Variants in DVL2 observed in about 807,000 individuals in gnomAD.
DVL2 encodes the protein segment polarity protein dishevelled homolog DVL-2.
In DVL2, 38 loss-of-function variants were observed where a neutral mutation model predicts 69.8. The observed-to-expected ratio is 0.54, with a 90% CI of 0.42 to 0.71. The LOEUF is 0.71. DVL2 is among the 30% of genes least tolerant of loss of function. The probability of loss-of-function intolerance (pLI) is 0.00; values close to 1 mark genes in which losing one functional copy is unlikely to be tolerated. For missense variants in DVL2, 931 were observed against 1,008.1 expected, an observed-to-expected ratio of 0.92 and a Z score of 1.04; for synonymous variants, 428 against 392.4, an observed-to-expected ratio of 1.09 and a Z score of -1.07.
At chr17:7,228,127 A>T (rs2071486197) in intron 9 of DVL2, 83 bp from the exon 10 acceptor site, 1 of 1,135,676 alleles carries the variant, frequency 8.8e-7, no homozygotes, top group Admixed American at 2.4e-5. Context: ...GGATGGATTA[A>T]GAGACACAAA....
At position 7,230,399 on chromosome 17, in the gene DVL2, A is replaced by G. The variant is rs769237336; in HGVS notation, c.296T>C (p.Met99Thr). 12 of 1,614,036 alleles carry G rather than the reference A, an allele frequency of 7.4e-6. No homozygotes were observed. Among genetic ancestry groups the G allele is most frequent in the Non-Finnish European group, 1.0e-5 (12 of 1,180,030 alleles). The change falls in exon 3 of 15, where the codon ATG becomes ACG. Residue 99 changes from methionine to threonine, a missense_variant. Coordinates refer to ENST00000005340, the MANE Select transcript of DVL2 (RefSeq NM_004422.3). The stretch of plus-strand genomic sequence containing the variant: ...CCGAGGCTCATGGACTGGAGGGGCC[A>G]TCTCGGGTTGGGGATTATCTGAGGA... ...LVSSDNPQPE[M>T]APPVHEPRAE...
intron 1 of DVL2, among the ~76,000 whole-genome samples, chr17:7,233,539 G>A (rs1039043993): frequency 6.6e-6 from 1 of 152,138 alleles, no homozygotes; most frequent in African/African-American, 2.4e-5. Flanking sequence ...CGCCTCCCAG[G>A]TTCAAGAGAT....
rs755274368 is a variant in DVL2 at position 7,229,713 on chromosome 17, C to G, written c.657-35G>C. ...GGTTGGGAAGGAGAGCAAACGTAGGCCAAAGTGGTCATGGGGCCAAGAGAA... is the reference window on the plus strand; with the variant it reads ...GGTTGGGAAGGAGAGCAAACGTAGGGCAAAGTGGTCATGGGGCCAAGAGAA... On this transcript the variant is annotated intron_variant, in intron 5 of 14. Transcript: ENST00000005340. The surrounding 1 kb of genome is among the most constrained non-coding windows in gnomAD (Gnocchi z 4.4). 41 of 1,568,292 alleles carry G rather than the reference C, an allele frequency of 2.6e-5. No individual in the cohort carries two copies. The South Asian group carries it at 4.7e-4, about 18-fold the overall frequency.
chr17:7,227,501 G>A lies in DVL2; in HGVS notation c.1266C>T (p.Asp422=). ...CEGRGLSVHT[D]MASVTKAMAA... ...CCATGGCCTTGGTCACCGATGCCAT[G>A]TCCGTATGGACGGAGAGACCCCGGC... Residue 422 remains aspartate (D), a synonymous_variant, in exon 12 of 15, where the codon GAC becomes GAT. Transcript: ENST00000005340. The A allele has an allele frequency of 6.2e-7, 1 of 1,614,200 alleles. No homozygotes were observed. Among genetic ancestry groups the A allele is most frequent in the Non-Finnish European group, 8.5e-7 (1 of 1,180,040 alleles).
chr17:7,234,413 G>A lies in DVL2; in HGVS notation c.-151C>T. ...CAAAGGGGAAAAAGCACGGATCTGC[G>A]AGGGTGGCGGCGGGGGGCGGGCCGC... On this transcript the variant is annotated 5_prime_UTR_variant, in exon 1 of 15. Transcript: ENST00000005340. 1 of 911,586 alleles carries A rather than the reference G, an allele frequency of 1.1e-6. No individual in the cohort carries two copies. The highest frequency in any genetic ancestry group is 1.6e-6 in the Non-Finnish European group (1 of 636,856). 56.5% of individuals were successfully genotyped at this position (911,586 alleles called of 1,614,324 possible). A position where few individuals can be genotyped will look rare whatever the true frequency, so the allele number is the denominator to read the frequency against.
rs371341535 is a variant in DVL2 at position 7,229,168 on chromosome 17, G to A, written c.924C>T (p.Asp308=). 70 of 1,614,030 alleles carry A rather than the reference G, an allele frequency of 4.3e-5. No homozygotes were observed. The highest frequency in any genetic ancestry group is 2.8e-4 in the Admixed American group (17 of 60,006). ...GCATGTCCCCTGGCTCAATGCGCCCGTCGGCCGCCACAGCCCCACCCTTCA... is the reference window on the plus strand; with the variant it reads ...GCATGTCCCCTGGCTCAATGCGCCCATCGGCCGCCACAGCCCCACCCTTCA... ...SIMKGGAVAA[D]GRIEPGDMLL... is the part of the protein sequence containing the mutation. Residue 308 remains aspartate (D), a synonymous_variant, in exon 8 of 15, where the codon GAC becomes GAT. Coordinates refer to ENST00000005340, the MANE Select transcript of DVL2 (RefSeq NM_004422.3). The surrounding 1 kb of genome is among the most constrained non-coding windows in gnomAD (Gnocchi z 4.4).
chr17:7,225,787 T>C lies in DVL2; in HGVS notation c.*78A>G. On this transcript the variant is annotated 3_prime_UTR_variant, in exon 15 of 15. Coordinates refer to ENST00000005340, the MANE Select transcript of DVL2 (RefSeq NM_004422.3). Reference sequence around the variant, plus strand: ...CAGCTGGTAGGCTGAGCCCAGGCACTGTAAGAGCAAGCACATGACGGCCAG... The same window carrying C: ...CAGCTGGTAGGCTGAGCCCAGGCACCGTAAGAGCAAGCACATGACGGCCAG... The C allele has an allele frequency of 7.6e-7, 1 of 1,309,434 alleles. No individual in the cohort carries two copies. Among genetic ancestry groups the C allele is most frequent in the Non-Finnish European group, 1.1e-6 (1 of 912,736 alleles). The allele number at this position is 1,309,434 out of a possible 1,614,324, so 81.1% of individuals were successfully genotyped here. A position where few individuals can be genotyped will look rare whatever the true frequency, so the allele number is the denominator to read the frequency against.
In DVL2 at chr17:7,225,462, A is replaced by AC; in HGVS notation, c.*402dup. 2.4e-6 allele frequency: 1 copy of AC among 423,894 alleles called. No individual in the cohort carries two copies. The highest frequency in any genetic ancestry group is 2.3e-5 in the South Asian group (1 of 43,814). The allele number at this position is 423,894 out of a possible 1,614,324, so 26.3% of individuals were successfully genotyped here. ...CTCAGGCTGCTGTCTAGGATGCCTAACCCCGGGGTACCGCTGACCACCCCC... is the reference window on the plus strand; with the variant it reads ...CTCAGGCTGCTGTCTAGGATGCCTAACCCCCGGGGTACCGCTGACCACCCCC... On this transcript the variant is annotated 3_prime_UTR_variant, in exon 15 of 15. Coordinates refer to ENST00000005340, the MANE Select transcript of DVL2 (RefSeq NM_004422.3).
chr17:7,230,382 C>T lies in DVL2; in HGVS notation c.313G>A (p.Glu105Lys). The change falls in exon 3 of 15, where the codon GAG (glutamate) becomes AAG (lysine). Residue 105 changes from glutamate (E) to lysine (K), a missense_variant. By Grantham distance (56) the Glu-to-Lys change is moderately conservative (BLOSUM62 1). This residue lies in a region of DVL2 where 555 missense variants were observed against 588.8 expected (regional missense o/e 0.94). Transcript: ENST00000005340. Reference protein sequence around the residue: ...PQPEMAPPVHEPRAELAPPAP... With the variant: ...PQPEMAPPVHKPRAELAPPAP... ...GGAGGCGCCAGTTCTGCCCGAGGCT[C>T]ATGGACTGGAGGGGCCATCTCGGGT... The T allele has an allele frequency of 1.2e-6, 2 of 1,614,142 alleles. No individual in the cohort carries two copies. Among genetic ancestry groups the T allele is most frequent in the Non-Finnish European group, 1.7e-6 (2 of 1,180,026 alleles).
chr17:7,227,611 A>T (rs930636222), intron 11 of DVL2, 44 bp downstream of exon 11: 3 of 1,614,006 alleles, frequency 1.9e-6, no homozygotes, highest in African/African-American at 2.7e-5. Flanking sequence ...ACTGCGGGAC[A>T]GCCTTCTGCT....
At chr17:7,228,552 G>A (rs1433091385) in intron 9 of DVL2, 2 of 193,470 alleles carry the variant, frequency 1.0e-5, no homozygotes, top group Non-Finnish European at 2.1e-5. Flanking sequence ...TCATGCATTT[G>A]TTTCATGTAC....
chr17:7,228,506 G>C (rs1389809550), intron 9 of DVL2: 1 of 178,710 alleles, frequency 5.6e-6, no homozygotes, highest in African/African-American at 2.4e-5. Flanking sequence ...CTAGATGGCA[G>C]TGACATGGAT....
chr17:7,232,802 A>T (rs1206784538), intron 1 of DVL2, among the ~76,000 whole-genome samples: 1 of 152,182 alleles, frequency 6.6e-6, no homozygotes, highest in Admixed American at 6.5e-5. Flanking sequence ...AAAAAAGCAG[A>T]GGTTGGGCCG....
At chr17:7,230,884 G>C (rs1471311431) in intron 1 of DVL2, 87 bp from the exon 2 acceptor site, 31 of 1,019,234 alleles carry the variant, frequency 3.0e-5, no homozygotes, top group Non-Finnish European at 4.6e-5. Context: ...TCTTCACCTG[G>C]CTCCAGGATG....
Position 7,226,593 on chromosome 17 carries a change from A to C in DVL2, c.1590T>G (p.Ala530=), listed in dbSNP as rs776165646. 1.3e-6 allele frequency: 2 copies of C among 1,599,958 alleles called. No individual in the cohort carries two copies. The highest frequency in any genetic ancestry group is 1.7e-6 in the Non-Finnish European group (2 of 1,174,436). ...SLNDNDGSSG[A]SDQDTLAPLP... ...GAGGAGCCAGGGTATCCTGGTCTGA[A>C]GCCCCACTGGAGCCATCGTTGTCAT... is the stretch of plus-strand genomic sequence containing the variant. The change falls in exon 14 of 15, where the codon GCT becomes GCG. Residue 530 remains alanine (A), a synonymous_variant. Transcript: ENST00000005340.
chr17:7,227,325 C>T (rs2071473028), intron 12 of DVL2, 56 bp from the exon 13 acceptor site: 4 of 1,602,542 alleles, frequency 2.5e-6, no homozygotes, highest in South Asian at 1.1e-5. Context: ...CTCCTGCTCT[C>T]GCCTCTGCCT....
At chr17:7,226,952 G>T in intron 13 of DVL2, 138 bp downstream of exon 13, 1 of 871,112 alleles carries the variant, frequency 1.1e-6, no homozygotes, top group Non-Finnish European at 1.8e-6. Flanking sequence ...CTCGGCCAGT[G>T]CAGGACCTAG....
chr17:7,226,271 C>T lies in DVL2; in HGVS notation c.1805G>A (p.Gly602Glu), dbSNP rs2071445106. ...SGSTRSDGGAGRTGRPEERAP... is the reference protein window; with the variant it reads ...SGSTRSDGGAERTGRPEERAP... ...CCGCTCCTCGGGCCTCCCCGTGCGC[C>T]CTGCCCCCCCATCACTCCGTGTCGA... The change falls in exon 15 of 15, where the codon GGG (glycine) becomes GAG (glutamate). Residue 602 changes from glycine to glutamate, a missense_variant. By Grantham distance (98) the Gly-to-Glu change is moderately conservative. This residue lies in a region of DVL2 where 314 missense variants were observed against 313.7 expected (regional missense o/e 1.00). Coordinates refer to ENST00000005340, the MANE Select transcript of DVL2 (RefSeq NM_004422.3). 2 of 1,597,968 alleles carry T rather than the reference C, an allele frequency of 1.3e-6. No homozygotes were observed. Among genetic ancestry groups the T allele is most frequent in the Non-Finnish European group, 1.7e-6 (2 of 1,173,498 alleles).
Position 7,226,192 on chromosome 17 carries a change from C to A in DVL2, c.1884G>T (p.Gly628=), listed in dbSNP as rs1567571510. 6.2e-7 allele frequency: 1 copy of A among 1,612,486 alleles called. No homozygotes were observed. The highest frequency in any genetic ancestry group is 2.2e-5 in the East Asian group (1 of 44,868). The change falls in exon 15 of 15, where the codon GGG becomes GGT. Residue 628 remains glycine, a synonymous_variant. Coordinates refer to ENST00000005340, the MANE Select transcript of DVL2 (RefSeq NM_004422.3). Reference sequence around the variant, plus strand: ...CTTCCCCACCCCGCCGAAGGCTGCCCCCTCGGCTGGAGGGCTCAGACTCAC... The same window carrying A: ...CTTCCCCACCCCGCCGAAGGCTGCCACCTCGGCTGGAGGGCTCAGACTCAC... ...SGSESEPSSR[G]GSLRRGGEAS...
Sources: allele counts gnomAD v4.1 joint callset (sites outside exome capture counted in the v4.1 genomes callset), GRCh38; gene constraint gnomAD v4.1.1; regional missense constraint gnomAD v4.1.1; non-coding constraint Gnocchi (gnomAD v3.1); transcripts MANE v1.5; gene names NCBI Gene and HGNC (gene_info 2026-07-23, HGNC 2026-07-21).